TTLL8: variants seen among roughly 807,000 people sequenced by gnomAD.
TTLL8 encodes tubulin tyrosine ligase like 8.
A neutral mutation model predicts 77.8 loss-of-function variants in TTLL8; 65 were observed. The ratio of observed to expected loss-of-function variants is 0.84; its 90% CI spans 0.68 to 1.03. The LOEUF (loss-of-function observed/expected upper bound fraction) is 1.03, where lower values mean the gene tolerates loss of function less well. Ranked by LOEUF, TTLL8 falls within the 50% of genes least tolerant of loss-of-function variation. The pLI, the probability that TTLL8 is intolerant of heterozygous loss-of-function variation, is 0.00. For missense variants in TTLL8, 910 were observed against 1,004.5 expected, an observed-to-expected ratio of 0.91 and a Z score of 1.27; for synonymous variants, 402 against 422.8, an observed-to-expected ratio of 0.95 and a Z score of 0.60.
rs1323632610 is a variant in TTLL8, at chr22:50,034,387, T to C, written c.997A>G (p.Ile333Val). The C allele has an allele frequency of 7.3e-7, 1 of 1,367,242 alleles. No individual in the cohort carries two copies. Among genetic ancestry groups the C allele is most frequent in the South Asian group, 1.1e-5 (1 of 88,044 alleles). 84.7% of individuals were successfully genotyped at this position (1,367,242 alleles called of 1,614,324 possible). ...CCCCGGGACTTGGCCGCGGGCTTTA[T>C]AATCCAGATGTTCCGGAGCCCGTCA... is the stretch of plus-strand genomic sequence containing the variant. The change falls in exon 9 of 14, where the codon ATA (isoleucine) becomes GTA (valine). Residue 333 changes from isoleucine (I) to valine (V), a missense_variant. Ile to Val is a conservative substitution (Grantham distance 29). This residue lies in a region of TTLL8 where 776 missense variants were observed against 926.1 expected (regional missense o/e 0.84). Coordinates refer to ENST00000266182, the Ensembl canonical transcript of TTLL8. The surrounding 1 kb of genome is among the most constrained non-coding windows in gnomAD (Gnocchi z 4.1).
intron 1 of TTLL8, among the ~76,000 whole-genome samples, chr22:50,050,566 C>A (rs8143094): frequency 0.32 from 48,854 of 151,862 alleles, 9,080 homozygotes; most frequent in Non-Finnish European, 0.42. Context: ...CCTCCTCCCC[C>A]ACCTTGCCTA....
rs2061392709 is a variant in TTLL8, at chr22:50,044,012, G to A, written c.643+1243C>T. On this transcript the variant is annotated intron_variant, in intron 6 of 13. Transcript: ENST00000266182. This position sits in a 1 kb window ranked among gnomAD's most constrained non-coding sequence, Gnocchi z 4.2. ...TGGGTTACCATGATGTGTCATTGTA[G>A]GTTCATCAATTGTGTTAAAATCATT... is the stretch of plus-strand genomic sequence containing the variant. Among the ~76,000 whole-genome samples the A allele has an allele frequency of 6.6e-6, 1 of 152,152 alleles. No homozygotes were observed. The highest frequency in any genetic ancestry group is 2.4e-5 in the African/African-American group (1 of 41,440).
chr22:50,029,523 G>A (rs1251373320), intron 12 of TTLL8, among the ~76,000 whole-genome samples: 4 of 151,088 alleles, frequency 2.6e-5, no homozygotes, highest in Non-Finnish European at 5.9e-5. Context: ...GGCGGATCAC[G>A]AGGTCAGGAG....
At chr22:50,018,612 C>T (rs137879) in intron 12 of TTLL8, among the ~76,000 whole-genome samples, 74,733 of 152,094 alleles carry the variant, frequency 0.49, 18,745 homozygotes, top group South Asian at 0.66. Context: ...AAAAATCAAA[C>T]TGAACACTCA....
At position 50,034,850 on chromosome 22, in the gene TTLL8, G is replaced by A. The variant is rs549755349; in HGVS notation, c.922-388C>T. On this transcript the variant is annotated intron_variant, in intron 8 of 13. Transcript: ENST00000266182. The surrounding 1 kb of genome is among the most constrained non-coding windows in gnomAD (Gnocchi z 4.1). Reference sequence around the variant, plus strand: ...GTGGGAGACACAGGCGGGGGCAGACGCAGCCATGCCCAGCTTCCGCCTGTG... The same window carrying A: ...GTGGGAGACACAGGCGGGGGCAGACACAGCCATGCCCAGCTTCCGCCTGTG... 1.3e-4 allele frequency among the ~76,000 whole-genome samples: 20 copies of A among 152,262 alleles called. No homozygotes were observed. The highest frequency in any genetic ancestry group is 9.2e-4 in the Admixed American group (14 of 15,292).
chr22:50,028,710 A>AC (rs760185646), intron 12 of TTLL8, among the ~76,000 whole-genome samples: 83 of 24,406 alleles, frequency 3.4e-3, no homozygotes, highest in East Asian at 7.7e-3. Context: ...CATCCTGAAG[A>AC]CCCCACACAC....
Position 50,047,161 on chromosome 22 carries a change from G to C in TTLL8, c.393+7C>G. On this transcript the variant is annotated splice_region_variant and intron_variant, in intron 4 of 13. Coordinates refer to ENST00000266182, the Ensembl canonical transcript of TTLL8. The stretch of plus-strand genomic sequence containing the variant: ...GCTCCCGCCACGCTCAAGCGCGGCC[G>C]GCTCACCTTGGTGGTGAAGGAGGCT... The C allele has an allele frequency of 7.3e-7, 1 of 1,367,300 alleles. No homozygotes were observed. Among genetic ancestry groups the C allele is most frequent in the Non-Finnish European group, 9.8e-7 (1 of 1,021,630 alleles). 84.7% of individuals were successfully genotyped at this position (1,367,300 alleles called of 1,614,324 possible). A position where few individuals can be genotyped will look rare whatever the true frequency, so the allele number is the denominator to read the frequency against.
rs995313452 is a variant in TTLL8, at chr22:50,021,273, C to T, written c.2204-4711G>A. Among the ~76,000 whole-genome samples, 13 of 149,948 alleles carry T rather than the reference C, an allele frequency of 8.7e-5. No individual in the cohort carries two copies. In the East Asian group the frequency reaches 1.6e-3, roughly 18 times the overall value. On this transcript the variant is annotated intron_variant, in intron 12 of 13. Coordinates refer to ENST00000266182, the Ensembl canonical transcript of TTLL8. Reference sequence around the variant, plus strand: ...CTCCTCCATCTGACAATGTGCACTCCTCCATCTGATGTGCACTCCTCCATC... The same window carrying T: ...CTCCTCCATCTGACAATGTGCACTCTTCCATCTGATGTGCACTCCTCCATC...
At position 50,049,924 on chromosome 22, in the gene TTLL8, G is replaced by C. The variant is rs544841796; in HGVS notation, c.190+185C>G. The C allele has an allele frequency of 4.1e-5, 19 of 460,642 alleles. No individual in the cohort carries two copies. In the East Asian group the frequency reaches 2.6e-3, roughly 64 times the overall value. The allele number at this position is 460,642 out of a possible 1,614,324, so 28.5% of individuals were successfully genotyped here. ...GGGAGCAGGGCTGGGGGCTTGAAAG[G>C]GTTTGCCTGGCACGACCGCCTGGGG... On this transcript the variant is annotated intron_variant, in intron 2 of 13. Coordinates refer to ENST00000266182, the Ensembl canonical transcript of TTLL8.
At chr22:50,026,125 C>T (rs2061228422) in intron 12 of TTLL8, among the ~76,000 whole-genome samples, 2 of 152,248 alleles carry the variant, frequency 1.3e-5, no homozygotes, top group Non-Finnish European at 2.9e-5. Context: ...GGAAGCAAGG[C>T]AGCTGTCCGT....
Position 50,033,199 on chromosome 22 carries a change from G to C in TTLL8, c.1283+3C>G. On this transcript the variant is annotated splice_donor_region_variant and intron_variant, in intron 10 of 13. Coordinates refer to ENST00000266182, the Ensembl canonical transcript of TTLL8. The stretch of plus-strand genomic sequence containing the variant: ...AGGTGTCCAGGTCGCCCACCGCACT[G>C]ACCTGTCCAGCTTGTCCAGGGAGAA... The C allele has an allele frequency of 7.4e-7, 1 of 1,346,042 alleles. No homozygotes were observed. The highest frequency in any genetic ancestry group is 4.7e-5 in the East Asian group (1 of 21,064). 83.4% of individuals were successfully genotyped at this position (1,346,042 alleles called of 1,614,324 possible).
intron 5 of TTLL8, 88 bp from the exon 8 acceptor site, chr22:50,045,477 C>G: frequency 8.4e-7 from 1 of 1,189,746 alleles, no homozygotes; most frequent in Non-Finnish European, 1.1e-6. Flanking sequence ...CTCCCCAACC[C>G]GCCCCACTTC....
chr22:50,036,527 C>T (rs774966114), intron 8 of TTLL8, among the ~76,000 whole-genome samples: 3 of 152,202 alleles, frequency 2.0e-5, no homozygotes, highest in Non-Finnish European at 2.9e-5. Flanking sequence ...GACAGGGCTG[C>T]CCTGTTCCTG....
intron 12 of TTLL8, among the ~76,000 whole-genome samples, chr22:50,019,281 A>G (rs903233691): frequency 2.0e-5 from 3 of 152,212 alleles, no homozygotes; most frequent in African/African-American, 7.2e-5. Flanking sequence ...GCAAGAACAG[A>G]GAGAAAAAGG....
At chr22:50,056,980 G>T (rs1214658109), upstream of TTLL8, 2 of 1,289,478 alleles carry the variant, frequency 1.6e-6, no homozygotes, top group Admixed American at 4.6e-5. The surrounding 1 kb of genome is among the most constrained non-coding windows in gnomAD (Gnocchi z 4.1). Context: ...ACCCCTAGAG[G>T]AGAGGGTGTG....
intron 8 of TTLL8, among the ~76,000 whole-genome samples, chr22:50,038,324 T>C (rs1469042062): frequency 6.6e-6 from 1 of 152,122 alleles, no homozygotes; most frequent in Non-Finnish European, 1.5e-5. Flanking sequence ...AATAGGAACT[T>C]TATTTCTTCC....
In TTLL8 at chr22:50,047,142, G is replaced by A. The variant is rs199819799; in HGVS notation, c.393+26C>T. 2.4e-4 allele frequency: 332 copies of A among 1,365,296 alleles called. No individual in the cohort carries two copies. The African/African-American group carries it at 3.4e-3, about 14-fold the overall frequency. 84.6% of individuals were successfully genotyped at this position (1,365,296 alleles called of 1,614,324 possible). On this transcript the variant is annotated intron_variant, in intron 4 of 13. Transcript: ENST00000266182. ...CTCCCCACCACCCTTGCCGGCTCCC[G>A]CCACGCTCAAGCGCGGCCGGCTCAC...
intron 3 of TTLL8, among the ~76,000 whole-genome samples, chr22:50,048,767 T>G (rs2061427374): frequency 6.6e-6 from 1 of 152,228 alleles, no homozygotes; most frequent in African/African-American, 2.4e-5. Flanking sequence ...GTACTGCAAA[T>G]GCCGCCTCCC....
rs1336034233 is a variant in TTLL8 at position 50,032,388 on chromosome 22, GC to G, written c.1284-280del. ...GGGGGCCCTGGCTTCTCACTGCCCT[GC>G]CTGGGAGCTGCTTTTGCACAGGTGA... is the stretch of plus-strand genomic sequence containing the variant. On this transcript the variant is annotated intron_variant, in intron 10 of 13. Transcript: ENST00000266182. Among the ~76,000 whole-genome samples, 3 of 152,332 alleles carry G rather than the reference GC, an allele frequency of 2.0e-5. No homozygotes were observed. The East Asian group carries it at 5.8e-4, about 29-fold the overall frequency.
Sources: gnomAD v4.1 joint callset for allele counts (sites outside exome capture counted in the v4.1 genomes callset) on GRCh38, gnomAD v4.1.1 for gene constraint, gnomAD v4.1.1 regional missense constraint, Gnocchi (gnomAD v3.1) non-coding constraint, MANE v1.5 for transcripts, NCBI Gene and HGNC (gene_info 2026-07-23, HGNC 2026-07-21) for gene names.